Variants in ASB3 observed in about 807,000 individuals in gnomAD.
ASB3 encodes the protein ankyrin repeat and SOCS box protein 3.
Under a neutral mutation model 54.5 loss-of-function variants are expected in ASB3, and 41 were observed. The observed-to-expected ratio is 0.75, with a 90% confidence interval of 0.59 to 0.98. The LOEUF is 0.98. Ranked by LOEUF, ASB3 falls within the 50% of genes least tolerant of loss-of-function variation. ASB3 has a pLI of 0.00. For synonymous variants in ASB3, 266 were observed against 221.2 expected, an observed-to-expected ratio of 1.20 and a Z score of -1.80; for missense variants, 733 against 620.0, an observed-to-expected ratio of 1.18 and a Z score of -1.94.
At chr2:53,745,961 T>G (rs1274646636) in intron 3 of ASB3, among the ~76,000 whole-genome samples, 1 of 152,240 alleles carries the variant, frequency 6.6e-6, no homozygotes, top group Non-Finnish European at 1.5e-5. Flanking sequence ...TTTAAAACTC[T>G]TCCATTATAG....
chr2:53,743,894 T>C (rs1672074578), intron 3 of ASB3, among the ~76,000 whole-genome samples: 1 of 151,332 alleles, frequency 6.6e-6, no homozygotes, highest in Admixed American at 6.6e-5. Context: ...TGTACAAAAA[T>C]TAGCCTGGCA....
intron 3 of ASB3, among the ~76,000 whole-genome samples, chr2:53,740,769 C>A (rs1472807550): frequency 6.6e-6 from 1 of 152,146 alleles, no homozygotes; most frequent in Admixed American, 6.6e-5. Flanking sequence ...TTCTAACAGA[C>A]AGGGAGAAGT....
intron 3 of ASB3, among the ~76,000 whole-genome samples, chr2:53,730,937 T>A (rs766230824): frequency 6.6e-6 from 1 of 152,104 alleles, no homozygotes; most frequent in African/African-American, 2.4e-5. Context: ...TAGAAAACAC[T>A]AATACACATG....
At chr2:53,723,858 T>C (rs1436010701) in intron 5 of ASB3, among the ~76,000 whole-genome samples, 2 of 152,172 alleles carry the variant, frequency 1.3e-5, no homozygotes, top group Non-Finnish European at 2.9e-5. Context: ...CAATAAACGG[T>C]GCTAGTATAG....
At chr2:53,674,254 G>A (rs909032465) in intron 9 of ASB3, among the ~76,000 whole-genome samples, 2 of 152,092 alleles carry the variant, frequency 1.3e-5, no homozygotes, top group African/African-American at 2.4e-5. Context: ...AGAAAATGAC[G>A]TCTGAAACCA....
Position 53,750,867 on chromosome 2 carries a change from G to T in ASB3, c.271C>A (p.His91Asn). 1 of 1,602,486 alleles carries T rather than the reference G, an allele frequency of 6.2e-7. No individual in the cohort carries two copies. Among genetic ancestry groups the T allele is most frequent in the Non-Finnish European group, 8.5e-7 (1 of 1,174,268 alleles). ...AAAAGAATCTGTACGATTTTCCAAT[G>T]TCCTTGACTTGCAGCGAGATGCAAA... ...CALHLAASQG[H>N]WKIVQILLEA... Residue 91 changes from histidine (H) to asparagine (N), a missense_variant, in exon 3 of 10, where the codon CAT (histidine) becomes AAT (asparagine). His to Asn is a moderately conservative substitution (Grantham distance 68, BLOSUM62 1). Transcript: ENST00000263634.
At chr2:53,747,824 G>C (rs1672305570) in intron 3 of ASB3, among the ~76,000 whole-genome samples, 1 of 152,208 alleles carries the variant, frequency 6.6e-6, no homozygotes, top group Non-Finnish European at 1.5e-5. Flanking sequence ...AAAGAGATCA[G>C]TGGATACTTC....
intron 1 of ASB3, chr2:53,768,354 T>G: frequency 4.5e-6 from 1 of 224,524 alleles, no homozygotes; most frequent in Non-Finnish European, 8.7e-6. Context: ...AAAAGTCCCA[T>G]TGGCGGGAAG....
intron 2 of ASB3, among the ~76,000 whole-genome samples, chr2:53,760,070 G>T (rs1395243625): frequency 6.6e-6 from 1 of 152,204 alleles, no homozygotes; most frequent in African/African-American, 2.4e-5. Context: ...CCACTAAGTT[G>T]TGACTGGCGA....
At chr2:53,771,332 T>A (rs542827369) in intron 1 of ASB3, among the ~76,000 whole-genome samples, 2 of 152,080 alleles carry the variant, frequency 1.3e-5, no homozygotes, top group Non-Finnish European at 2.9e-5. Flanking sequence ...CTGGCCAACA[T>A]GGTAAACCCG....
At chr2:53,750,748 A>G in intron 3 of ASB3, 35 bp downstream of exon 3, 1 of 1,442,452 alleles carries the variant, frequency 6.9e-7, no homozygotes, top group Non-Finnish European at 9.2e-7. Flanking sequence ...AATAATGATG[A>G]AAAATTGCAT....
rs560193149 is a variant in ASB3 at position 53,760,497 on chromosome 2, T to C, written c.196+4880A>G. ...TTACAGAAGGACCCCTAGTATGGGG[T>C]AATCCCCTCCAGGAAACCAAGGCCC... On this transcript the variant is annotated intron_variant, in intron 2 of 9. Transcript: ENST00000263634. Among the ~76,000 whole-genome samples, 7 of 152,202 alleles carry C rather than the reference T, an allele frequency of 4.6e-5. No individual in the cohort carries two copies. In the South Asian group the frequency reaches 6.2e-4, roughly 14 times the overall value.
Position 53,714,513 on chromosome 2 carries a change from A to G in ASB3, c.851T>C (p.Val284Ala). ...CDTGLNKVSP[V>A]YSAVFGGHED... The stretch of plus-strand genomic sequence containing the variant: ...ATGTCCCCCAAACACTGCTGAGTAA[A>G]CAGGGCTTACTTTGTTTAGCCCAGT... Residue 284 changes from valine to alanine, a missense_variant, in exon 7 of 10, where the codon GTT (valine) becomes GCT (alanine). Val to Ala is a moderately conservative substitution (Grantham distance 64). Coordinates refer to ENST00000263634, the MANE Select transcript of ASB3 (RefSeq NM_016115.5). 1 of 1,614,224 alleles carries G rather than the reference A, an allele frequency of 6.2e-7. No individual in the cohort carries two copies. The highest frequency in any genetic ancestry group is 1.1e-5 in the South Asian group (1 of 91,084).
In ASB3 at chr2:53,670,514, G is replaced by A; in HGVS notation, c.1546C>T (p.Gln516Ter). Residue 516 changes from glutamine (Q) to a stop codon, truncating the protein, a stop_gained, in exon 10 of 10, where the codon CAA becomes TAA. Transcript: ENST00000263634. LOFTEE classifies it high-confidence loss of function. ...GTAGTTTCACTGATTTATCCATCTT[G>A]AATAGCTGCCAGTTCTGGAACTTCA... The part of the protein sequence containing the change: ...MYEVPELAAI[Q>*]DG 1 of 1,613,418 alleles carries A rather than the reference G, an allele frequency of 6.2e-7. No individual in the cohort carries two copies.
chr2:53,746,724 C>T (rs1043994564), intron 3 of ASB3, among the ~76,000 whole-genome samples: 2 of 152,110 alleles, frequency 1.3e-5, no homozygotes, highest in Admixed American at 1.3e-4. Flanking sequence ...AGGTGATCCG[C>T]CCGCCTCGGC....
Position 53,670,292 on chromosome 2 carries a change from ATTTTTTT to A in ASB3, c.*204_*210del, listed in dbSNP as rs757738523. The A allele has an allele frequency of 0.077, 13,666 of 178,452 alleles. 497 individuals are homozygous for A. The highest frequency in any genetic ancestry group is 0.11 in the Non-Finnish European group (10,067 of 94,718). 11.1% of individuals were successfully genotyped at this position (178,452 alleles called of 1,614,324 possible). On this transcript the variant is annotated 3_prime_UTR_variant, in exon 10 of 10. Coordinates refer to ENST00000263634, the MANE Select transcript of ASB3 (RefSeq NM_016115.5). ...TAAAGTAATATAAGTGATGTTTACAATTTTTTTTTTTTTTTTTTTTTTTTTTACTGGG... is the reference window on the plus strand; with the variant it reads ...TAAAGTAATATAAGTGATGTTTACAATTTTTTTTTTTTTTTTTTTACTGGG...
intron 9 of ASB3, among the ~76,000 whole-genome samples, chr2:53,671,439 A>C (rs915459099): frequency 6.6e-6 from 1 of 151,746 alleles, no homozygotes; most frequent in South Asian, 2.1e-4. Context: ...TACCAATTAA[A>C]GGACAATTCA....
chr2:53,782,269 C>G (rs893332813), intron 1 of ASB3, among the ~76,000 whole-genome samples: 3 of 152,154 alleles, frequency 2.0e-5, no homozygotes, highest in African/African-American at 7.2e-5. Flanking sequence ...CTAACAAAAT[C>G]GCACTGAAAT....
intron 8 of ASB3, among the ~76,000 whole-genome samples, chr2:53,697,399 C>T (rs1205194022): frequency 6.6e-6 from 1 of 152,166 alleles, no homozygotes; most frequent in Middle Eastern, 3.2e-3. Flanking sequence ...TATGAAATAG[C>T]CATTCTTTTG....
Sources: allele counts gnomAD v4.1 joint callset (sites outside exome capture counted in the v4.1 genomes callset), GRCh38; gene constraint gnomAD v4.1.1; transcripts MANE v1.5; gene names NCBI Gene and HGNC (gene_info 2026-07-23, HGNC 2026-07-21).